The following BTNL8 variants were observed in gnomAD, a reference collection of about 807,000 sequenced individuals.
BTNL8 encodes butyrophilin like 8, also known as butyrophilin-like protein 8.
In BTNL8, 22 loss-of-function variants were observed where a neutral mutation model predicts 36.1. The ratio of observed to expected loss-of-function variants is 0.61; its 90% CI spans 0.44 to 0.87. BTNL8 has a LOEUF of 0.87. BTNL8 is among the 40% of genes least tolerant of loss of function. The probability of loss-of-function intolerance (pLI) is 0.00; values close to 1 mark genes in which losing one functional copy is unlikely to be tolerated. For missense variants in BTNL8, 526 were observed against 616.9 expected (o/e 0.85, Z 1.56); for synonymous variants, 203 against 235.6 (o/e 0.86, Z 1.27).
chr5:180,935,512 A>C lies in BTNL8; in HGVS notation c.674-12000A>C, dbSNP rs372407031. ...CACAACAGTGCCCGGACTCGGCTAC[A>C]ACTTTGCTTTGCACTGGAGTGGACA... On this transcript the variant is annotated intron_variant, in intron 3 of 7. Coordinates refer to ENST00000340184, the MANE Select transcript of BTNL8 (RefSeq NM_001040462.3). The surrounding 1 kb of genome is among the most constrained non-coding windows in gnomAD (Gnocchi z 4.8). Among the ~76,000 whole-genome samples the C allele has an allele frequency of 3.3e-5, 5 of 152,338 alleles. No individual in the cohort carries two copies. In the East Asian group the frequency reaches 5.8e-4, roughly 18 times the overall value.
chr5:180,944,025 A>G (rs1403311993), intron 3 of BTNL8, among the ~76,000 whole-genome samples: 1 of 152,246 alleles, frequency 6.6e-6, no homozygotes, highest in African/African-American at 2.4e-5. Flanking sequence ...TGGATCTCAT[A>G]GAGGTACAGA....
chr5:180,928,579 G>A (rs571739525), intron 3 of BTNL8, among the ~76,000 whole-genome samples: 3 of 152,290 alleles, frequency 2.0e-5, no homozygotes, highest in East Asian at 3.9e-4. Flanking sequence ...CATCTCACGT[G>A]CAAAGACACA....
chr5:180,902,010 G>A (rs942313893), intron 1 of BTNL8, among the ~76,000 whole-genome samples: 11 of 152,186 alleles, frequency 7.2e-5, no homozygotes, highest in Admixed American at 2.6e-4. Flanking sequence ...TGCGCCATGG[G>A]CAGAAATGTA....
chr5:180,933,492 T>A (rs967664850), intron 3 of BTNL8, among the ~76,000 whole-genome samples: 1 of 152,120 alleles, frequency 6.6e-6, no homozygotes, highest in African/African-American at 2.4e-5. Flanking sequence ...AATAGAAATC[T>A]TGGAAAACAG....
At position 180,911,980 on chromosome 5, in the gene BTNL8, G is replaced by C. The variant is rs139389914; in HGVS notation, c.673+366G>C. Among the ~76,000 whole-genome samples the C allele has an allele frequency of 1.2e-4, 18 of 152,318 alleles. No individual in the cohort carries two copies. The East Asian group carries it at 3.5e-3, about 29-fold the overall frequency. ...AGATTCACATTTGAATTGGTAAACT[G>C]AGTAAAGAAGATTGCCCTCCATAAT... On this transcript the variant is annotated intron_variant, in intron 3 of 7. Transcript: ENST00000340184.
chr5:180,922,127 A>T (rs1267242333), intron 3 of BTNL8, among the ~76,000 whole-genome samples: 1 of 151,078 alleles, frequency 6.6e-6, no homozygotes, highest in Non-Finnish European at 1.5e-5. Flanking sequence ...TATTTTATTA[A>T]TTTTTTTCAA....
chr5:180,921,675 ACACACAC>A, intron 3 of BTNL8, among the ~76,000 whole-genome samples: 1 of 151,772 alleles, frequency 6.6e-6, no homozygotes, highest in Non-Finnish European at 1.5e-5. Flanking sequence ...ACACACACAC[ACACACAC>A]ACACACACAC....
At chr5:180,938,038 A>G (rs1758741592) in intron 3 of BTNL8, among the ~76,000 whole-genome samples, 1 of 152,184 alleles carries the variant, frequency 6.6e-6, no homozygotes, top group African/African-American at 2.4e-5. Flanking sequence ...TGAAATAAAA[A>G]CATTGCCATT....
At chr5:180,907,772 C>T (rs1465246908) in intron 1 of BTNL8, among the ~76,000 whole-genome samples, 9 of 151,760 alleles carry the variant, frequency 5.9e-5, no homozygotes, top group Non-Finnish European at 8.8e-5. Context: ...GTTGGAGTAC[C>T]CTGCCGTGTG....
chr5:180,905,099 T>C (rs1265571702), intron 1 of BTNL8, among the ~76,000 whole-genome samples: 2 of 151,462 alleles, frequency 1.3e-5, no homozygotes. Flanking sequence ...TCAGAAGGAA[T>C]GGTACCAGTT....
At chr5:180,918,645 A>C (rs1011632672) in intron 3 of BTNL8, among the ~76,000 whole-genome samples, 2 of 152,232 alleles carry the variant, frequency 1.3e-5, no homozygotes, top group African/African-American at 4.8e-5. Context: ...ACATGTGCCC[A>C]AGGTGGTTGA....
Position 180,950,142 on chromosome 5 carries a change from G to T in BTNL8, c.1101G>T (p.Glu367Asp), listed in dbSNP as rs1246597025. ...VCRDDVDRRKEYVTLSPDHGY... is the reference protein window; with the variant it reads ...VCRDDVDRRKDYVTLSPDHGY... ...GGGATGATGTGGACAGGAGGAAGGA[G>T]TACGTGACTTTGTCTCCCGATCATG... The change falls in exon 8 of 8, where the codon GAG becomes GAT. Residue 367 changes from glutamate (E) to aspartate (D), a missense_variant. Glu to Asp is a conservative substitution (Grantham distance 45). Transcript: ENST00000340184. 4 of 1,462,938 alleles carry T rather than the reference G, an allele frequency of 2.7e-6. 1 individual carries two copies. The Admixed American group carries it at 7.5e-5, about 27-fold the overall frequency. 90.6% of individuals were successfully genotyped at this position (1,462,938 alleles called of 1,614,324 possible).
intron 3 of BTNL8, among the ~76,000 whole-genome samples, chr5:180,914,692 G>A (rs1449260006): frequency 6.6e-6 from 1 of 152,182 alleles, no homozygotes; most frequent in Non-Finnish European, 1.5e-5. Flanking sequence ...GAAGTGACAT[G>A]ATTAGGATGG....
chr5:180,926,475 C>T (rs1274558613), intron 3 of BTNL8, among the ~76,000 whole-genome samples: 1 of 152,150 alleles, frequency 6.6e-6, no homozygotes, highest in African/African-American at 2.4e-5. Context: ...GAGACAGAAC[C>T]ATTCACTCCC....
Position 180,907,874 on chromosome 5 carries a change from G to C in BTNL8, c.50-712G>C, listed in dbSNP as rs979496846. ...ACTCACTTGAGGAGGCAGTCTGCCAGTTCTCAGATCTCCAGCTGCGTGCTG... is the reference window on the plus strand; with the variant it reads ...ACTCACTTGAGGAGGCAGTCTGCCACTTCTCAGATCTCCAGCTGCGTGCTG... On this transcript the variant is annotated intron_variant, in intron 1 of 7. Transcript: ENST00000340184. Among the ~76,000 whole-genome samples the C allele has an allele frequency of 4.3e-4, 65 of 151,410 alleles. 1 individual carries two copies. The highest frequency in any genetic ancestry group is 4.0e-3 in the Admixed American group (60 of 15,180).
intron 1 of BTNL8, among the ~76,000 whole-genome samples, chr5:180,905,785 C>G (rs906648851): frequency 6.7e-6 from 1 of 149,916 alleles, no homozygotes; most frequent in Non-Finnish European, 1.5e-5. Flanking sequence ...TCGTTATGTA[C>G]CCAGTAGTCA....
chr5:180,942,458 A>G (rs1759033267), intron 3 of BTNL8, among the ~76,000 whole-genome samples: 1 of 152,250 alleles, frequency 6.6e-6, no homozygotes, highest in South Asian at 2.1e-4. Context: ...ATTCATATGG[A>G]GCCACAAAAG....
intron 3 of BTNL8, among the ~76,000 whole-genome samples, chr5:180,939,286 T>A (rs1758809971): frequency 6.6e-6 from 1 of 151,974 alleles, no homozygotes; most frequent in South Asian, 2.1e-4. Flanking sequence ...TGAAAAAAGA[T>A]CCCATTATAT....
chr5:180,911,215 G>C (rs1194652924), intron 2 of BTNL8, 124 bp from the exon 3 acceptor site: 2 of 1,446,772 alleles, frequency 1.4e-6, no homozygotes, highest in Non-Finnish European at 1.9e-6. Context: ...AAAGGTCGTG[G>C]TTTTAGTGTT....
Sources: gnomAD v4.1 joint callset for allele counts (sites outside exome capture counted in the v4.1 genomes callset) on GRCh38, gnomAD v4.1.1 for gene constraint, Gnocchi (gnomAD v3.1) non-coding constraint, MANE v1.5 for transcripts, NCBI Gene and HGNC (gene_info 2026-07-23, HGNC 2026-07-21) for gene names.